The following ARFGEF3 variants were observed in gnomAD, a reference collection of about 807,000 sequenced individuals.
The protein encoded by ARFGEF3 is ARFGEF family member 3.
In ARFGEF3, 96 loss-of-function variants were observed where a neutral mutation model predicts 221.7. That is an observed-to-expected ratio of 0.43 (90% CI 0.37 to 0.51). The LOEUF is 0.51. Among genes scored for constraint, ARFGEF3 ranks in the 20% least tolerant of loss-of-function variants. ARFGEF3 has a pLI of 0.00. For synonymous variants in ARFGEF3, 1,145 were observed against 1,126.8 expected (o/e 1.02, Z -0.32); for missense variants, 2,410 against 2,789.9 (o/e 0.86, Z 3.07).
chr6:138,166,526 TCTC>T (rs1261731203), intron 1 of ARFGEF3, among the ~76,000 whole-genome samples: 3 of 152,234 alleles, frequency 2.0e-5, no homozygotes, highest in Non-Finnish European at 4.4e-5. Context: ...GTATGTATCT[TCTC>T]TTTATTTAGT....
intron 12 of ARFGEF3, among the ~76,000 whole-genome samples, chr6:138,274,575 G>A (rs1181282558): frequency 6.6e-6 from 1 of 151,802 alleles, no homozygotes; most frequent in Admixed American, 6.6e-5. Context: ...AAGGCGGGTG[G>A]ATCCCCTGAG....
At chr6:138,210,604 G>T (rs1777707274) in intron 4 of ARFGEF3, among the ~76,000 whole-genome samples, 1 of 151,950 alleles carries the variant, frequency 6.6e-6, no homozygotes, top group Admixed American at 6.6e-5. Flanking sequence ...CATGATTGGG[G>T]GTCCGTTATG....
chr6:138,254,131 T>C, intron 9 of ARFGEF3, 147 bp downstream of exon 9: 1 of 579,962 alleles, frequency 1.7e-6, no homozygotes, highest in Non-Finnish European at 2.9e-6. Context: ...AGCAGGGAAA[T>C]TGTGGCCAGG....
Position 138,194,964 on chromosome 6 carries a change from TCAAA to T in ARFGEF3, c.138-12076_138-12073del, listed in dbSNP as rs199872782. On this transcript the variant is annotated intron_variant, in intron 2 of 33. Coordinates refer to ENST00000251691, the MANE Select transcript of ARFGEF3 (RefSeq NM_020340.5). ...AGAGCATGTGCATGTACTTGTAGGCTCAAACTAACTTCACCTTTTCCCTAATTTT... is the reference window on the plus strand; with the variant it reads ...AGAGCATGTGCATGTACTTGTAGGCTCTAACTTCACCTTTTCCCTAATTTT... Among the ~76,000 whole-genome samples, 899 of 146,238 alleles carry T rather than the reference TCAAA, an allele frequency of 6.1e-3. 9 individuals are homozygous for T. Among genetic ancestry groups the T allele is most frequent in the African/African-American group, 0.021 (837 of 39,542 alleles).
In ARFGEF3 at chr6:138,317,333, T is replaced by C. The variant is rs781196266; in HGVS notation, c.4428T>C (p.Thr1476=). The C allele has an allele frequency of 6.2e-6, 10 of 1,614,006 alleles. No individual in the cohort carries two copies. Among genetic ancestry groups the C allele is most frequent in the Middle Eastern group, 1.6e-4 (1 of 6,062 alleles). ...SNCPRQHQPP[T]LDLLFELLRD... ...GTCCACGGCAGCACCAACCACCAAC[T>C]CTGGATTTACTCTTTGAGCTGTTGA... is the stretch of plus-strand genomic sequence containing the variant. Residue 1476 remains threonine (T), a synonymous_variant, in exon 27 of 34, where the codon ACT becomes ACC. Transcript: ENST00000251691.
chr6:138,255,346 T>C, intron 9 of ARFGEF3, 90 bp from the exon 10 acceptor site: 1 of 943,060 alleles, frequency 1.1e-6, no homozygotes, highest in Non-Finnish European at 1.6e-6. Context: ...AGCCGCACTC[T>C]TGTCATTTCT....
intron 1 of ARFGEF3, among the ~76,000 whole-genome samples, chr6:138,164,340 C>T (rs1776679265): frequency 6.6e-6 from 1 of 152,214 alleles, no homozygotes; most frequent in Admixed American, 6.5e-5. Context: ...TGGCAGTCAG[C>T]TGCAGCACTT....
chr6:138,261,244 T>G (rs1428373069), intron 10 of ARFGEF3, among the ~76,000 whole-genome samples: 1 of 152,178 alleles, frequency 6.6e-6, no homozygotes, highest in Admixed American at 6.5e-5. Flanking sequence ...ATCCAAGTGT[T>G]TTCTAGTTCT....
intron 24 of ARFGEF3, among the ~76,000 whole-genome samples, chr6:138,311,110 AAGAG>A (rs1029495769): frequency 3.3e-5 from 5 of 152,214 alleles, no homozygotes; most frequent in African/African-American, 1.2e-4. Flanking sequence ...ACTGTGGTAG[AAGAG>A]AGAGGAAATG....
At chr6:138,266,848 CA>C (rs55638606) in intron 12 of ARFGEF3, among the ~76,000 whole-genome samples, 183 of 77,360 alleles carry the variant, frequency 2.4e-3, no homozygotes, top group Admixed American at 2.1e-3. Context: ...GACTCCATCT[CA>C]AAAAAAAAAA....
chr6:138,188,353 T>G (rs1336105788), intron 2 of ARFGEF3, among the ~76,000 whole-genome samples: 2 of 152,228 alleles, frequency 1.3e-5, no homozygotes, highest in Non-Finnish European at 2.9e-5. Flanking sequence ...ACAGTCACTT[T>G]GTCATGCCCT....
intron 10 of ARFGEF3, among the ~76,000 whole-genome samples, chr6:138,261,248 T>C (rs1394793172): frequency 6.6e-6 from 1 of 152,244 alleles, no homozygotes; most frequent in Non-Finnish European, 1.5e-5. Flanking sequence ...AAGTGTTTTC[T>C]AGTTCTGTGC....
At chr6:138,199,811 C>A (rs1434292245) in intron 2 of ARFGEF3, among the ~76,000 whole-genome samples, 1 of 152,152 alleles carries the variant, frequency 6.6e-6, no homozygotes, top group Non-Finnish European at 1.5e-5. Context: ...AACGATCATA[C>A]CATCAGCAAA....
chr6:138,273,473 T>A (rs1296610714), intron 12 of ARFGEF3, among the ~76,000 whole-genome samples: 1 of 152,158 alleles, frequency 6.6e-6, no homozygotes, highest in Non-Finnish European at 1.5e-5. Context: ...AGTCAGAATA[T>A]GTTAAAGGTC....
At chr6:138,311,352 CA>C (rs1417761295) in intron 24 of ARFGEF3, 54 bp from the exon 25 acceptor site, 4 of 1,122,206 alleles carry the variant, frequency 3.6e-6, no homozygotes, top group Admixed American at 2.0e-5. Context: ...TCTCCTGTTA[CA>C]GGGGGGCACG....
chr6:138,280,505 A>G lies in ARFGEF3; in HGVS notation c.2461+341A>G, dbSNP rs528911684. On this transcript the variant is annotated intron_variant, in intron 14 of 33. Coordinates refer to ENST00000251691, the MANE Select transcript of ARFGEF3 (RefSeq NM_020340.5). ...TTCTCACATGCTAATAGTTGCCCAT[A>G]TCATTCAGTGTTCTTGGGGTTTACC... is the stretch of plus-strand genomic sequence containing the variant. 2.2e-4 allele frequency among the ~76,000 whole-genome samples: 34 copies of G among 152,336 alleles called. 2 individuals are homozygous for G. In the South Asian group the frequency reaches 7.1e-3, roughly 32 times the overall value.
Position 138,337,402 on chromosome 6 carries a change from A to G in ARFGEF3, c.*916A>G, listed in dbSNP as rs1365429257. 1 of 152,680 alleles carries G rather than the reference A, an allele frequency of 6.5e-6. No individual in the cohort carries two copies. The highest frequency in any genetic ancestry group is 1.5e-5 in the Non-Finnish European group (1 of 68,042). The allele number at this position is 152,680 out of a possible 1,614,324, so 9.5% of individuals were successfully genotyped here. ...CCCCACAATTGTCTGAACATAAGGT[A>G]TAGCATTTGGTTTTTAAGAAAACAA... On this transcript the variant is annotated 3_prime_UTR_variant, in exon 34 of 34. Coordinates refer to ENST00000251691, the MANE Select transcript of ARFGEF3 (RefSeq NM_020340.5).
At chr6:138,290,427 GAAACAAAACA>G (rs113544757) in intron 18 of ARFGEF3, among the ~76,000 whole-genome samples, 1 of 152,092 alleles carries the variant, frequency 6.6e-6, no homozygotes, top group South Asian at 2.1e-4. Flanking sequence ...TAGCTAGACT[GAAACAAAACA>G]AAACAAAACA....
At chr6:138,193,930 C>A (rs1353813552) in intron 2 of ARFGEF3, among the ~76,000 whole-genome samples, 3 of 152,084 alleles carry the variant, frequency 2.0e-5, no homozygotes, top group African/African-American at 7.2e-5. Context: ...ATAGAGTTGT[C>A]ATTTTTTTAA....
Sources: gnomAD v4.1 joint callset for allele counts (sites outside exome capture counted in the v4.1 genomes callset) on GRCh38, gnomAD v4.1.1 for gene constraint, MANE v1.5 for transcripts, NCBI Gene and HGNC (gene_info 2026-07-23, HGNC 2026-07-21) for gene names.